The following PLCB1 variants were observed in gnomAD, a reference collection of about 807,000 sequenced individuals.
PLCB1 encodes the protein phospholipase C beta 1, also known as 1-phosphatidylinositol 4,5-bisphosphate phosphodiesterase beta-1.
A neutral mutation model predicts 161.8 loss-of-function variants in PLCB1; 46 were observed. That is an observed-to-expected ratio of 0.28 (90% CI 0.22 to 0.36). The LOEUF is 0.36. PLCB1 is among the 10% of genes least tolerant of loss of function. The pLI, the probability that PLCB1 is intolerant of heterozygous loss-of-function variation, is 1.00. For missense variants in PLCB1, 1,016 were observed against 1,472.5 expected (o/e 0.69, Z 5.07); for synonymous variants, 517 against 503.7 (o/e 1.03, Z -0.35).
At chr20:8,177,969 TA>T (rs112318699) in intron 2 of PLCB1, among the ~76,000 whole-genome samples, 26,883 of 152,040 alleles carry the variant, frequency 0.18, 2,478 homozygotes, top group African/African-American at 0.23. Flanking sequence ...GTTCCTGCGT[TA>T]GTTCACTTAG....
intron 3 of PLCB1, among the ~76,000 whole-genome samples, chr20:8,406,718 A>T (rs1422397304): frequency 1.3e-5 from 2 of 152,214 alleles, no homozygotes; most frequent in Non-Finnish European, 2.9e-5. Context: ...GCAAAGAGTA[A>T]GGCTGTTCAA....
chr20:8,565,910 A>C (rs1039292615), intron 3 of PLCB1, among the ~76,000 whole-genome samples: 4 of 152,144 alleles, frequency 2.6e-5, no homozygotes, highest in African/African-American at 4.8e-5. Context: ...GGGAGAGCAG[A>C]AATTTACAAG....
At chr20:8,826,451 G>A (rs1379602767) in intron 31 of PLCB1, among the ~76,000 whole-genome samples, 8 of 149,850 alleles carry the variant, frequency 5.3e-5, no homozygotes, top group African/African-American at 2.5e-5. Flanking sequence ...GCAGGAGATC[G>A]CGCCACTGCA....
At chr20:8,261,723 G>A (rs1039422166) in intron 2 of PLCB1, among the ~76,000 whole-genome samples, 5 of 152,124 alleles carry the variant, frequency 3.3e-5, no homozygotes, top group Admixed American at 3.3e-4. Flanking sequence ...TTGGTTACCT[G>A]TTATCCTAAA....
At chr20:8,349,876 T>C (rs1986125407) in intron 2 of PLCB1, among the ~76,000 whole-genome samples, 1 of 151,972 alleles carries the variant, frequency 6.6e-6, no homozygotes, top group South Asian at 2.1e-4. Flanking sequence ...AGAGAATCAA[T>C]ATATTAAAAA....
chr20:8,360,624 T>C (rs1986505126), intron 2 of PLCB1, among the ~76,000 whole-genome samples: 1 of 152,164 alleles, frequency 6.6e-6, no homozygotes, highest in African/African-American at 2.4e-5. Context: ...GGAAAATTCA[T>C]TAAGCATGAT....
intron 2 of PLCB1, among the ~76,000 whole-genome samples, chr20:8,239,785 C>A (rs1317276530): frequency 6.6e-6 from 1 of 151,932 alleles, no homozygotes; most frequent in East Asian, 1.9e-4. Context: ...GAATTGGCAA[C>A]AATTCAGTTC....
intron 2 of PLCB1, among the ~76,000 whole-genome samples, chr20:8,166,888 C>G (rs2051681234): frequency 6.6e-6 from 1 of 152,100 alleles, no homozygotes; most frequent in African/African-American, 2.4e-5. Flanking sequence ...TGGATTAGCC[C>G]CTCCCCTGCT....
At chr20:8,507,267 G>A (rs573195652) in intron 3 of PLCB1, among the ~76,000 whole-genome samples, 1 of 152,250 alleles carries the variant, frequency 6.6e-6, no homozygotes, top group East Asian at 1.9e-4. Context: ...GGATGGCAAA[G>A]GCAGAAGAAA....
intron 3 of PLCB1, among the ~76,000 whole-genome samples, chr20:8,413,463 A>G (rs574558858): frequency 3.7e-4 from 57 of 152,344 alleles, no homozygotes; most frequent in African/African-American, 1.4e-3. Flanking sequence ...AGGCATTTTA[A>G]AATCCGAATC....
intron 3 of PLCB1, among the ~76,000 whole-genome samples, chr20:8,522,527 G>A (rs1984392485): frequency 6.6e-6 from 1 of 151,996 alleles, no homozygotes; most frequent in Non-Finnish European, 1.5e-5. Flanking sequence ...ACTGACACAC[G>A]TGGTCAAGCA....
chr20:8,335,265 T>C (rs1985528444), intron 2 of PLCB1, among the ~76,000 whole-genome samples: 14 of 152,212 alleles, frequency 9.2e-5, no homozygotes. Flanking sequence ...TTTGTACTCC[T>C]GATGTCTCAC....
intron 3 of PLCB1, among the ~76,000 whole-genome samples, chr20:8,441,604 T>C (rs1454522443): frequency 1.3e-5 from 2 of 152,184 alleles, no homozygotes. Context: ...GCATGAACGC[T>C]AGGGACTGAA....
At position 8,646,140 on chromosome 20, in the gene PLCB1, G is replaced by C; in HGVS notation, c.423G>C (p.Leu141=). The change falls in exon 5 of 32, where the codon CTG becomes CTC. Residue 141 remains leucine, a synonymous_variant. Coordinates refer to ENST00000338037, the MANE Select transcript of PLCB1 (RefSeq NM_015192.4). The part of the protein sequence containing the change: ...TNEVFSLATN[L]LAQNMSRDAF... ...AGGTTTTCAGTTTGGCAACAAACCT[G>C]CTGGCCCAAAACATGTCCAGGGATG... 6.2e-7 allele frequency: 1 copy of C among 1,613,770 alleles called. No individual in the cohort carries two copies. The highest frequency in any genetic ancestry group is 8.5e-7 in the Non-Finnish European group (1 of 1,179,656).
chr20:8,581,507 G>A (rs1986832235), intron 3 of PLCB1, among the ~76,000 whole-genome samples: 1 of 152,212 alleles, frequency 6.6e-6, no homozygotes, highest in African/African-American at 2.4e-5. Context: ...ATGACTGTGA[G>A]ATGAAGTTTT....
intron 3 of PLCB1, among the ~76,000 whole-genome samples, chr20:8,562,112 G>A (rs1411673923): frequency 1.3e-5 from 2 of 151,980 alleles, no homozygotes; most frequent in East Asian, 1.9e-4. Flanking sequence ...AGCTGAGTAC[G>A]GAGGGGCTGC....
At position 8,513,089 on chromosome 20, in the gene PLCB1, A is replaced by AT. The variant is rs933310500; in HGVS notation, c.247-115198dup. On this transcript the variant is annotated intron_variant, in intron 3 of 31. Coordinates refer to ENST00000338037, the MANE Select transcript of PLCB1 (RefSeq NM_015192.4). ...TTATTTTACTTAGTATAATGGCTTC[A>AT]TTTTTTTAAAATGTTTAAACCAAAG... Among the ~76,000 whole-genome samples, 52 of 152,226 alleles carry AT rather than the reference A, an allele frequency of 3.4e-4. 1 individual carries two copies. Among genetic ancestry groups the AT allele is most frequent in the African/African-American group, 1.2e-3 (51 of 41,538 alleles).
chr20:8,281,329 C>A (rs771643782), intron 2 of PLCB1, among the ~76,000 whole-genome samples: 4 of 135,520 alleles, frequency 3.0e-5, no homozygotes, highest in African/African-American at 9.0e-5. Context: ...AAACCCAGAG[C>A]TCTTTTTAAT....
chr20:8,772,789 C>T (rs900017183), intron 26 of PLCB1, among the ~76,000 whole-genome samples: 2 of 151,924 alleles, frequency 1.3e-5, no homozygotes, highest in African/African-American at 2.4e-5. Context: ...AAAAATTAGC[C>T]GGGCATGGTG....
Sources: gnomAD v4.1 joint callset for allele counts (sites outside exome capture counted in the v4.1 genomes callset) on GRCh38, gnomAD v4.1.1 for gene constraint, MANE v1.5 for transcripts, NCBI Gene and HGNC (gene_info 2026-07-23, HGNC 2026-07-21) for gene names.